The following KIF2C variants were observed in gnomAD, a reference collection of about 807,000 sequenced individuals.
KIF2C encodes the protein kinesin family member 2C.
In KIF2C, 34 loss-of-function variants were observed where a neutral mutation model predicts 97.4. The observed-to-expected ratio is 0.35, with a 90% CI of 0.27 to 0.46. KIF2C has a LOEUF of 0.46. Ranked by LOEUF, KIF2C falls within the 20% of genes least tolerant of loss-of-function variation. KIF2C has a pLI of 1.00. For missense variants in KIF2C, 750 were observed against 907.6 expected (o/e 0.83, Z 2.23); for synonymous variants, 313 against 318.2 (o/e 0.98, Z 0.17).
Position 44,762,435 on chromosome 1 carries a change from C to T in KIF2C, c.1841C>T (p.Ala614Val), listed in dbSNP as rs199917085. 157 of 1,614,086 alleles carry T rather than the reference C, an allele frequency of 9.7e-5. No individual in the cohort carries two copies. The highest frequency in any genetic ancestry group is 1.8e-4 in the South Asian group (16 of 91,074). Residue 614 changes from alanine to valine, a missense_variant, in exon 18 of 21, where the codon GCG becomes GTG. Ala to Val is a moderately conservative substitution (Grantham distance 64). Transcript: ENST00000372224. Reference sequence around the variant, plus strand: ...GAGATGGAAGCCTGCTCTAACGGGGCGCTGATTCCAGGCAATGTAAGGACC... The same window carrying T: ...GAGATGGAAGCCTGCTCTAACGGGGTGCTGATTCCAGGCAATGTAAGGACC... ...TEEMEACSNG[A>V]LIPGNLSKEE... is the part of the protein sequence containing the mutation.
At chr1:44,745,510 G>A (rs1432116418) in intron 2 of KIF2C, among the ~76,000 whole-genome samples, 2 of 89,572 alleles carry the variant, frequency 2.2e-5, no homozygotes, top group African/African-American at 9.2e-5. Context: ...TTTCGCTCTT[G>A]TTGCCCAGGC....
chr1:44,739,888 A>G lies in KIF2C; in HGVS notation c.-45A>G. On this transcript the variant is annotated 5_prime_UTR_variant, in exon 1 of 21. Transcript: ENST00000372224. ...AGACTTCGTAGGGTTAGCGAAATTG[A>G]GGTTTCTTGGTATTGCGCGTTTCTC... is the stretch of plus-strand genomic sequence containing the variant. 5 of 1,552,714 alleles carry G rather than the reference A, an allele frequency of 3.2e-6. No individual in the cohort carries two copies. Among genetic ancestry groups the G allele is most frequent in the Middle Eastern group, 1.7e-4 (1 of 5,942 alleles).
rs750984598 is a variant in KIF2C at position 44,756,087 on chromosome 1, A to G, written c.827A>G (p.Lys276Arg). The G allele has an allele frequency of 8.1e-6, 13 of 1,614,076 alleles. No individual in the cohort carries two copies. Among genetic ancestry groups the G allele is most frequent in the Non-Finnish European group, 1.0e-5 (12 of 1,180,038 alleles). ...TCTCCTTCTGCAGAATTGGCCAAGA[A>G]AGAAATTGATGTGATTTCCATTCCT... ...RPLNKQELAK[K>R]EIDVISIPSK... The change falls in exon 10 of 21, where the codon AAA (lysine) becomes AGA (arginine). Residue 276 changes from lysine to arginine, a missense_variant. Lys to Arg is a conservative substitution (Grantham distance 26). Transcript: ENST00000372224.
At chr1:44,743,568 C>G (rs1649038335) in intron 2 of KIF2C, among the ~76,000 whole-genome samples, 2 of 152,116 alleles carry the variant, frequency 1.3e-5, no homozygotes, top group Non-Finnish European at 2.9e-5. Context: ...GCAGGAGGAC[C>G]TCTTGAGGCC....
intron 1 of KIF2C, 126 bp downstream of exon 1, chr1:44,740,128 C>T (rs960164711): frequency 8.8e-7 from 1 of 1,140,188 alleles, no homozygotes. Flanking sequence ...TTCACACGCA[C>T]TCACTCCGGG....
At chr1:44,749,125 T>C (rs1401222133) in intron 4 of KIF2C, among the ~76,000 whole-genome samples, 2 of 151,930 alleles carry the variant, frequency 1.3e-5, no homozygotes, top group Non-Finnish European at 2.9e-5. Flanking sequence ...GGTGAAACCC[T>C]GTCTCTATTC....
rs1042572554 is a variant in KIF2C at position 44,767,255 on chromosome 1, G to A, written c.*76G>A. ...CCTCCCCAGAGAACTTTGGGTACCT[G>A]GTGGGTCTAGGCAGGGTCTGAGCTG... is the stretch of plus-strand genomic sequence containing the variant. On this transcript the variant is annotated 3_prime_UTR_variant, in exon 21 of 21. Coordinates refer to ENST00000372224, the MANE Select transcript of KIF2C (RefSeq NM_006845.4). 7.6e-7 allele frequency: 1 copy of A among 1,314,110 alleles called. No homozygotes were observed. The highest frequency in any genetic ancestry group is 1.1e-6 in the Non-Finnish European group (1 of 916,220). The allele number at this position is 1,314,110 out of a possible 1,614,324, so 81.4% of individuals were successfully genotyped here.
At chr1:44,750,419 G>A in intron 4 of KIF2C, 23 bp from the exon 5 acceptor site, 1 of 1,420,118 alleles carries the variant, frequency 7.0e-7, no homozygotes, top group Non-Finnish European at 9.3e-7. Flanking sequence ...AGCACTGACT[G>A]GCTACTGCTC....
At chr1:44,762,023 T>A (rs1650170221) in intron 17 of KIF2C, 40 bp downstream of exon 17, 3 of 1,573,056 alleles carry the variant, frequency 1.9e-6, no homozygotes, top group African/African-American at 1.3e-5. Flanking sequence ...GGAACAGGAC[T>A]GGGCAAGGGA....
chr1:44,742,734 AAAAC>A (rs1557587972), intron 2 of KIF2C, among the ~76,000 whole-genome samples: 1 of 151,570 alleles, frequency 6.6e-6, no homozygotes, highest in Non-Finnish European at 1.5e-5. Context: ...AAAAAAAAAA[AAAAC>A]AAACTGCACA....
chr1:44,765,559 G>A (rs535392441), intron 19 of KIF2C, among the ~76,000 whole-genome samples: 1 of 152,320 alleles, frequency 6.6e-6, no homozygotes, highest in Non-Finnish European at 1.5e-5. Flanking sequence ...CTCGGGCTGG[G>A]CGCGGTGGCT....
chr1:44,755,801 CTAGTGT>C (rs1176880192), intron 8 of KIF2C, 122 bp from the exon 9 acceptor site: 5 of 754,180 alleles, frequency 6.6e-6, no homozygotes, highest in African/African-American at 1.7e-5. Flanking sequence ...TGCAGGGGTC[CTAGTGT>C]TAGATCTTGG....
chr1:44,750,069 C>T (rs146761932), intron 4 of KIF2C, among the ~76,000 whole-genome samples: 11,540 of 129,256 alleles, frequency 0.089, 1,698 homozygotes, highest in African/African-American at 0.31. Context: ...GCAACAAGAG[C>T]GAAACTCCTC....
chr1:44,746,861 A>G, intron 2 of KIF2C: 1 of 1,166,952 alleles, frequency 8.6e-7, no homozygotes, highest in Non-Finnish European at 1.2e-6. Flanking sequence ...CTGTCTATAG[A>G]AATTTAATTT....
At chr1:44,764,850 T>A (rs1367526751) in intron 19 of KIF2C, among the ~76,000 whole-genome samples, 2 of 151,978 alleles carry the variant, frequency 1.3e-5, no homozygotes, top group African/African-American at 2.4e-5. Context: ...CCGGGCGCAA[T>A]GGCTCACGCC....
chr1:44,743,993 C>T (rs1649055822), intron 2 of KIF2C, among the ~76,000 whole-genome samples: 1 of 151,790 alleles, frequency 6.6e-6, no homozygotes, highest in Non-Finnish European at 1.5e-5. Flanking sequence ...AGAAATATAT[C>T]CCTTGTTTTA....
At position 44,757,863 on chromosome 1, in the gene KIF2C, G is replaced by T. The variant is rs1229352692; in HGVS notation, c.1069-45G>T. On this transcript the variant is annotated intron_variant, in intron 11 of 20. Transcript: ENST00000372224. ...AAGGAGCCAGTAGTGCTCTGCTCTA[G>T]GCCAACAGCCCTTTTCCATGGTCTT... 9.4e-6 allele frequency: 15 copies of T among 1,591,498 alleles called. No individual in the cohort carries two copies. The South Asian group carries it at 1.7e-4, about 18-fold the overall frequency.
In KIF2C at chr1:44,756,026, G is replaced by T. The variant is rs376675691; in HGVS notation, c.814+43G>T. On this transcript the variant is annotated intron_variant, in intron 9 of 20. Transcript: ENST00000372224. ...AGGAAGAGGCTTCAGACTGACTAAT[G>T]GGCCTTCTGTTTCCAGGGAGCACCC... 1.9e-6 allele frequency: 3 copies of T among 1,613,746 alleles called. No individual in the cohort carries two copies. In the African/African-American group the frequency reaches 4.0e-5, roughly 22 times the overall value.
Position 44,762,357 on chromosome 1 carries a change from T to A in KIF2C, c.1763T>A (p.Leu588Gln). Residue 588 changes from leucine to glutamine, a missense_variant, in exon 18 of 21, where the codon CTG (leucine) becomes CAG (glutamine). Coordinates refer to ENST00000372224, the MANE Select transcript of KIF2C (RefSeq NM_006845.4). ...CCTTGTTTCCTCAGGGTCAAGGAGCTGAGCCCCCACAGTGGGCCCAGTGGA... is the reference window on the plus strand; with the variant it reads ...CCTTGTTTCCTCAGGGTCAAGGAGCAGAGCCCCCACAGTGGGCCCAGTGGA... ...TLRYADRVKE[L>Q]SPHSGPSGEQ... is the part of the protein sequence containing the mutation. 1 of 1,613,982 alleles carries A rather than the reference T, an allele frequency of 6.2e-7. No individual in the cohort carries two copies. The highest frequency in any genetic ancestry group is 8.5e-7 in the Non-Finnish European group (1 of 1,179,880).
Sources: gnomAD v4.1 joint callset for allele counts (sites outside exome capture counted in the v4.1 genomes callset) on GRCh38, gnomAD v4.1.1 for gene constraint, MANE v1.5 for transcripts, NCBI Gene and HGNC (gene_info 2026-07-23, HGNC 2026-07-21) for gene names.